Variants in XIRP2 observed in about 807,000 individuals in gnomAD.
XIRP2 encodes the protein xin actin binding repeat containing 2, also known as xin actin-binding repeat-containing protein 2.
In XIRP2, 236 loss-of-function variants were observed where a neutral mutation model predicts 277.0. The ratio of observed to expected loss-of-function variants is 0.85; its 90% CI spans 0.77 to 0.95. XIRP2 has a LOEUF of 0.95. Among genes scored for constraint, XIRP2 ranks in the 40% least tolerant of loss-of-function variants. The pLI, the probability that XIRP2 is intolerant of heterozygous loss-of-function variation, is 0.00. For synonymous variants in XIRP2, 1,490 were observed against 1,416.5 expected, an observed-to-expected ratio of 1.05 and a Z score of -1.17; for missense variants, 4,640 against 4,157.5, an observed-to-expected ratio of 1.12 and a Z score of -3.19.
At position 167,110,603 on chromosome 2, in the gene XIRP2, A is replaced by T. The variant is rs1690725474; in HGVS notation, c.409-25306A>T. ...CTCTAATATAGTTTGAAGTCTGGTA[A>T]TGTGATGCCTCCAGCTTTGTTCTTT... is the stretch of plus-strand genomic sequence containing the variant. On this transcript the variant is annotated intron_variant, in intron 2 of 10. Coordinates refer to ENST00000409195, the MANE Select transcript of XIRP2 (RefSeq NM_152381.6). Among the ~76,000 whole-genome samples, 3 of 152,062 alleles carry T rather than the reference A, an allele frequency of 2.0e-5. No individual in the cohort carries two copies. In the South Asian group the frequency reaches 6.2e-4, roughly 31 times the overall value.
At position 167,241,791 on chromosome 2, in the gene XIRP2, G is replaced by A; in HGVS notation, c.1057G>A (p.Glu353Lys). The change falls in exon 8 of 11, where the codon GAG becomes AAG. Residue 353 changes from glutamate (E) to lysine (K), a missense_variant. Coordinates refer to ENST00000409195, the MANE Select transcript of XIRP2 (RefSeq NM_152381.6). ...TCTGTTTGTAGTCATTGATACACCT[G>A]AGGATGAAGAGATTCCAAAGGTTTC... The part of the protein sequence containing the change: ...YVQETVIDTP[E>K]DEEIPKVSTK... 1 of 1,611,208 alleles carries A rather than the reference G, an allele frequency of 6.2e-7. No homozygotes were observed. Among genetic ancestry groups the A allele is most frequent in the Non-Finnish European group, 8.5e-7 (1 of 1,178,758 alleles).
At chr2:167,231,638 C>CCAATTCTATGAT (rs1694759554) in intron 5 of XIRP2, among the ~76,000 whole-genome samples, 1 of 151,648 alleles carries the variant, frequency 6.6e-6, no homozygotes, top group Admixed American at 6.6e-5. Flanking sequence ...CCACCACTAA[C>CCAATTCTATGAT]AGAAACTGCA....
chr2:166,922,794 A>C (rs1685088004), intron 2 of XIRP2, among the ~76,000 whole-genome samples: 2 of 149,910 alleles, frequency 1.3e-5, no homozygotes, highest in South Asian at 4.2e-4. Context: ...AAATCCAGTT[A>C]TTTTCTTTCT....
At chr2:167,143,623 A>G (rs1390828074) in intron 3 of XIRP2, among the ~76,000 whole-genome samples, 1 of 152,188 alleles carries the variant, frequency 6.6e-6, no homozygotes, top group Non-Finnish European at 1.5e-5. Flanking sequence ...GAGTGAAACA[A>G]TTCCAGCTGA....
At chr2:167,215,611 T>A (rs1418197191) in intron 4 of XIRP2, among the ~76,000 whole-genome samples, 1 of 152,128 alleles carries the variant, frequency 6.6e-6, no homozygotes, top group African/African-American at 2.4e-5. Flanking sequence ...AGCTCCTGGG[T>A]CCCCAGTTAC....
chr2:167,046,059 T>G (rs1192523465), intron 2 of XIRP2, among the ~76,000 whole-genome samples: 1 of 151,992 alleles, frequency 6.6e-6, no homozygotes, highest in East Asian at 1.9e-4. Flanking sequence ...CAGTGTTTGT[T>G]GTAGAGATAT....
At position 167,247,295 on chromosome 2, in the gene XIRP2, C is replaced by T. The variant is rs1464263344; in HGVS notation, c.5903C>T (p.Ala1968Val). The change falls in exon 9 of 11, where the codon GCT becomes GTT. Residue 1968 changes from alanine to valine, a missense_variant. By Grantham distance (64) the Ala-to-Val change is moderately conservative. Coordinates refer to ENST00000409195, the MANE Select transcript of XIRP2 (RefSeq NM_152381.6). The stretch of plus-strand genomic sequence containing the variant: ...CAGAAAACAGATATTCATCAGGTTG[C>T]TGTCCAGAGGAACAAAAATAGTCTT... ...GEQKTDIHQV[A>V]VQRNKNSLLQ... 1 of 1,613,718 alleles carries T rather than the reference C, an allele frequency of 6.2e-7. No individual in the cohort carries two copies. The highest frequency in any genetic ancestry group is 1.1e-5 in the South Asian group (1 of 91,074).
At chr2:167,143,144 T>C (rs556079027) in intron 3 of XIRP2, among the ~76,000 whole-genome samples, 1 of 151,836 alleles carries the variant, frequency 6.6e-6, no homozygotes, top group South Asian at 2.1e-4. Context: ...CAGCAAATAT[T>C]TACTGAACAG....
intron 2 of XIRP2, among the ~76,000 whole-genome samples, chr2:167,052,830 C>A (rs990124985): frequency 3.3e-5 from 5 of 152,124 alleles, no homozygotes; most frequent in Non-Finnish European, 7.4e-5. Flanking sequence ...ACCTGATTAC[C>A]AGCCATGAAA....
chr2:167,199,806 C>T (rs1044557491), intron 3 of XIRP2, among the ~76,000 whole-genome samples: 1 of 152,136 alleles, frequency 6.6e-6, no homozygotes, highest in Non-Finnish European at 1.5e-5. Flanking sequence ...CACAAGGGCA[C>T]AGACCCTTAG....
chr2:166,961,987 G>A (rs1042109511), intron 2 of XIRP2, among the ~76,000 whole-genome samples: 1 of 151,634 alleles, frequency 6.6e-6, no homozygotes, highest in African/African-American at 2.4e-5. Context: ...ATTGTGTTAT[G>A]TACCTGAATG....
At chr2:167,167,345 A>G (rs1692554080) in intron 3 of XIRP2, among the ~76,000 whole-genome samples, 1 of 152,140 alleles carries the variant, frequency 6.6e-6, no homozygotes, top group Admixed American at 6.5e-5. Context: ...GATTACTAAT[A>G]TAGTTAGATT....
intron 10 of XIRP2, among the ~76,000 whole-genome samples, chr2:167,256,860 C>A (rs116577289): frequency 6.6e-6 from 1 of 151,896 alleles, no homozygotes; most frequent in Non-Finnish European, 1.5e-5. Flanking sequence ...TTTTTCAGAA[C>A]CTTCTCTTTC....
At chr2:167,241,951 ACCAAGCTTAAATGT>A in intron 8 of XIRP2, 41 bp downstream of exon 8, 1 of 1,559,294 alleles carries the variant, frequency 6.4e-7, no homozygotes, top group East Asian at 2.3e-5. Flanking sequence ...TAAGTGTAAG[ACCAAGCTTAAATGT>A]GTAACATTTT....
At chr2:167,180,456 A>T (rs1692980922) in intron 3 of XIRP2, among the ~76,000 whole-genome samples, 1 of 152,050 alleles carries the variant, frequency 6.6e-6, no homozygotes, top group African/African-American at 2.4e-5. Flanking sequence ...TTTCATTTTT[A>T]TATGTGCTCT....
intron 2 of XIRP2, among the ~76,000 whole-genome samples, chr2:167,088,964 G>A (rs1376971351): frequency 6.6e-6 from 1 of 152,094 alleles, no homozygotes; most frequent in Non-Finnish European, 1.5e-5. Flanking sequence ...GAGGAACTCT[G>A]CCATTTTTCC....
intron 3 of XIRP2, among the ~76,000 whole-genome samples, chr2:167,156,570 T>C (rs889536724): frequency 4.6e-5 from 7 of 152,166 alleles, no homozygotes; most frequent in African/African-American, 1.7e-4. Context: ...CAAGACAAAT[T>C]GTACTTGCAC....
intron 3 of XIRP2, among the ~76,000 whole-genome samples, chr2:167,155,645 G>A (rs1037472703): frequency 5.9e-5 from 9 of 151,982 alleles, no homozygotes; most frequent in African/African-American, 2.2e-4. Flanking sequence ...ATATCATACT[G>A]AATGCGCAAA....
At chr2:167,009,527 G>A (rs939923730) in intron 2 of XIRP2, among the ~76,000 whole-genome samples, 11 of 152,044 alleles carry the variant, frequency 7.2e-5, no homozygotes, top group African/African-American at 2.7e-4. Context: ...ACAAACATGC[G>A]TGTGCATGTG....
Sources: gnomAD v4.1 joint callset for allele counts (sites outside exome capture counted in the v4.1 genomes callset) on GRCh38, gnomAD v4.1.1 for gene constraint, MANE v1.5 for transcripts, NCBI Gene and HGNC (gene_info 2026-07-23, HGNC 2026-07-21) for gene names.